Variants in SH3GL2 observed in about 807,000 individuals in gnomAD.
SH3GL2 encodes the protein endophilin-A1.
SH3GL2 carries 24 observed loss-of-function variants against 46.0 expected under a neutral mutation model. That is an observed-to-expected ratio of 0.52 (90% CI 0.38 to 0.73). The LOEUF is 0.73. SH3GL2 is among the 30% of genes least tolerant of loss of function. The pLI is 0.00. For missense variants in SH3GL2, 413 were observed against 424.2 expected (o/e 0.97, Z 0.23); for synonymous variants, 196 against 147.1 (o/e 1.33, Z -2.40).
At chr9:17,693,301 T>C (rs1295531233) in intron 1 of SH3GL2, among the ~76,000 whole-genome samples, 1 of 152,140 alleles carries the variant, frequency 6.6e-6, no homozygotes, top group Non-Finnish European at 1.5e-5. Flanking sequence ...TGGCAAGTAC[T>C]TGAGCATTTC....
chr9:17,639,269 A>G (rs142936768), intron 1 of SH3GL2, among the ~76,000 whole-genome samples: 135 of 152,362 alleles, frequency 8.9e-4, no homozygotes, highest in African/African-American at 3.1e-3. Flanking sequence ...GGAACAAGGC[A>G]AGTCATAAAC....
intron 1 of SH3GL2, among the ~76,000 whole-genome samples, chr9:17,668,549 TAAAG>T (rs1208348966): frequency 6.6e-6 from 1 of 152,216 alleles, no homozygotes; most frequent in African/African-American, 2.4e-5. Flanking sequence ...AATTTTGAGC[TAAAG>T]AAAGTTTTTT....
At chr9:17,769,245 C>T (rs1039537449) in intron 3 of SH3GL2, among the ~76,000 whole-genome samples, 8 of 152,290 alleles carry the variant, frequency 5.3e-5, no homozygotes, top group Non-Finnish European at 5.9e-5. Flanking sequence ...TCACTGCTAC[C>T]GAAATGCAGT....
intron 1 of SH3GL2, among the ~76,000 whole-genome samples, chr9:17,733,470 A>G (rs1486936071): frequency 6.6e-6 from 1 of 151,732 alleles, no homozygotes; most frequent in Non-Finnish European, 1.5e-5. Context: ...TCAGGAAACA[A>G]CAGGTGCTGG....
intron 1 of SH3GL2, among the ~76,000 whole-genome samples, chr9:17,655,774 T>C (rs1820060264): frequency 6.6e-6 from 1 of 152,192 alleles, no homozygotes; most frequent in African/African-American, 2.4e-5. Context: ...ACATGTCTGA[T>C]CCATGTAGTC....
At chr9:17,680,112 C>T (rs1457657821) in intron 1 of SH3GL2, among the ~76,000 whole-genome samples, 5 of 151,854 alleles carry the variant, frequency 3.3e-5, no homozygotes, top group Admixed American at 2.0e-4. Context: ...TGTCTCTGCC[C>T]GGCTTTGGTA....
chr9:17,642,509 C>T (rs1353932940), intron 1 of SH3GL2, among the ~76,000 whole-genome samples: 2 of 152,024 alleles, frequency 1.3e-5, no homozygotes, highest in Non-Finnish European at 2.9e-5. Context: ...ATATTTAATC[C>T]ATCTTGAGTT....
intron 2 of SH3GL2, among the ~76,000 whole-genome samples, chr9:17,751,185 C>T (rs1822832825): frequency 6.6e-6 from 1 of 152,090 alleles, no homozygotes; most frequent in African/African-American, 2.4e-5. Context: ...TTTTAAGGAG[C>T]AACTTTGAGT....
intron 1 of SH3GL2, among the ~76,000 whole-genome samples, chr9:17,668,488 C>T (rs1820396871): frequency 6.6e-6 from 1 of 152,072 alleles, no homozygotes; most frequent in Non-Finnish European, 1.5e-5. Flanking sequence ...TTTGGCCATG[C>T]TCAAGTTTGA....
At chr9:17,668,850 G>A (rs952593996) in intron 1 of SH3GL2, among the ~76,000 whole-genome samples, 2 of 152,070 alleles carry the variant, frequency 1.3e-5, no homozygotes, top group African/African-American at 4.8e-5. Flanking sequence ...TAGAGATGAG[G>A]TTTTGCTATG....
intron 1 of SH3GL2, among the ~76,000 whole-genome samples, chr9:17,626,949 C>T (rs543332463): frequency 6.6e-6 from 1 of 152,264 alleles, no homozygotes; most frequent in Admixed American, 6.5e-5. Flanking sequence ...TTACTGGTTC[C>T]CTGAGCAGGT....
intron 1 of SH3GL2, among the ~76,000 whole-genome samples, chr9:17,594,565 G>T (rs1329606016): frequency 6.6e-6 from 1 of 152,018 alleles, no homozygotes; most frequent in African/African-American, 2.4e-5. Flanking sequence ...GTTGATAGGT[G>T]CACCGAACCA....
intron 1 of SH3GL2, among the ~76,000 whole-genome samples, chr9:17,694,127 A>G (rs927689555): frequency 6.6e-6 from 1 of 152,144 alleles, no homozygotes; most frequent in Non-Finnish European, 1.5e-5. Flanking sequence ...AATTTTCTGT[A>G]TTAGTCTGTT....
rs139680760 is a variant in SH3GL2 at position 17,633,215 on chromosome 9, GA to G, written c.45+53930del. Among the ~76,000 whole-genome samples, 1,025 of 152,276 alleles carry G rather than the reference GA, an allele frequency of 6.7e-3. 10 individuals are homozygous for G. The highest frequency in any genetic ancestry group is 0.024 in the African/African-American group (977 of 41,548). On this transcript the variant is annotated intron_variant, in intron 1 of 8. Transcript: ENST00000380607. ...GAGCTTTGATTTCACAACCATGTGGGAATGCCAGTAGAATGAGACGCCATGA... is the reference window on the plus strand; with the variant it reads ...GAGCTTTGATTTCACAACCATGTGGGATGCCAGTAGAATGAGACGCCATGA...
intron 1 of SH3GL2, among the ~76,000 whole-genome samples, chr9:17,745,402 AG>A (rs1172629451): frequency 6.6e-6 from 1 of 152,192 alleles, no homozygotes; most frequent in African/African-American, 2.4e-5. Flanking sequence ...TATACCATGT[AG>A]GTTCAGACAT....
At chr9:17,652,211 T>TA (rs1215336557) in intron 1 of SH3GL2, among the ~76,000 whole-genome samples, 1 of 152,166 alleles carries the variant, frequency 6.6e-6, no homozygotes, top group African/African-American at 2.4e-5. Flanking sequence ...TTACTGTTGT[T>TA]ACTGTTTTAG....
intron 1 of SH3GL2, among the ~76,000 whole-genome samples, chr9:17,583,844 A>G (rs1275944255): frequency 1.3e-5 from 2 of 152,198 alleles, no homozygotes; most frequent in Non-Finnish European, 2.9e-5. Flanking sequence ...GGAGACCATT[A>G]CATAAGTCTT....
chr9:17,703,241 A>G (rs553760631), intron 1 of SH3GL2, among the ~76,000 whole-genome samples: 11 of 152,210 alleles, frequency 7.2e-5, no homozygotes, highest in Admixed American at 7.2e-4. Flanking sequence ...TCGGGGAAAA[A>G]AAACAATAAA....
chr9:17,582,614 T>C (rs967783523), intron 1 of SH3GL2, among the ~76,000 whole-genome samples: 8 of 152,336 alleles, frequency 5.3e-5, no homozygotes, highest in African/African-American at 1.7e-4. Context: ...AAGTCTATTA[T>C]AAAGTAAAAT....
Sources: allele counts gnomAD v4.1 joint callset (sites outside exome capture counted in the v4.1 genomes callset), GRCh38; gene constraint gnomAD v4.1.1; transcripts MANE v1.5; gene names NCBI Gene and HGNC (gene_info 2026-07-23, HGNC 2026-07-21).